The following DSG3 variants were observed in gnomAD, a reference collection of about 807,000 sequenced individuals.
DSG3 encodes the protein desmoglein 3.
In DSG3, 63 loss-of-function variants were observed where a neutral mutation model predicts 85.9. The observed-to-expected ratio is 0.73, with a 90% CI of 0.60 to 0.90. The LOEUF (loss-of-function observed/expected upper bound fraction) is 0.90, where lower values mean the gene tolerates loss of function less well. Ranked by LOEUF, DSG3 falls within the 40% of genes least tolerant of loss-of-function variation. DSG3 has a pLI of 0.00. For missense variants in DSG3, 1,220 were observed against 1,219.9 expected (o/e 1.00, Z 0.00); for synonymous variants, 447 against 441.9 (o/e 1.01, Z -0.14).
chr18:31,464,516 C>A, intron 9 of DSG3, 134 bp downstream of exon 9: 1 of 920,772 alleles, frequency 1.1e-6, no homozygotes, highest in Non-Finnish European at 1.6e-6. Flanking sequence ...CTGGGTAACT[C>A]AAAAAGTAAC....
At chr18:31,462,841 T>A (rs1451786548) in intron 8 of DSG3, among the ~76,000 whole-genome samples, 4 of 152,120 alleles carry the variant, frequency 2.6e-5, no homozygotes. Flanking sequence ...ACCACCACAT[T>A]TTTCTTAAAA....
chr18:31,472,686 T>C (rs766530270), intron 13 of DSG3, 39 bp from the exon 14 acceptor site: 2 of 1,605,224 alleles, frequency 1.2e-6, no homozygotes, highest in East Asian at 2.2e-5. Context: ...TGAAATCTGG[T>C]TCACTTTTAA....
chr18:31,457,097 TAACTC>T lies in DSG3; in HGVS notation c.192_196del (p.Asn64LysfsTer38), dbSNP rs1181388310. 1 of 1,611,924 alleles carries T rather than the reference TAACTC, an allele frequency of 6.2e-7. No individual in the cohort carries two copies. The highest frequency in any genetic ancestry group is 8.5e-7 in the Non-Finnish European group (1 of 1,179,146). Reference sequence around the variant, plus strand: ...CCAAACCCTGCAGAGAAGGAGAAGATAACTCAAAAAGAAACCCAATTGCCAAGGTA... The same window carrying T: ...CCAAACCCTGCAGAGAAGGAGAAGATAAAAAGAAACCCAATTGCCAAGGTA... On this transcript the variant is annotated frameshift_variant, in exon 3 of 16. Transcript: ENST00000257189. LOFTEE classifies it high-confidence loss of function.
chr18:31,472,880 G>T, intron 14 of DSG3, 92 bp downstream of exon 14: 1 of 1,165,806 alleles, frequency 8.6e-7, no homozygotes. Context: ...TTAATAATTT[G>T]CATCTGTGTG....
At chr18:31,456,289 C>A in intron 1 of DSG3, 151 bp from the exon 2 acceptor site, 1 of 483,800 alleles carries the variant, frequency 2.1e-6, no homozygotes, top group Non-Finnish European at 3.4e-6. Context: ...GGAACTTACC[C>A]TTTGATTATG....
intron 8 of DSG3, among the ~76,000 whole-genome samples, chr18:31,462,218 T>A (rs2144273470): frequency 6.6e-6 from 1 of 152,184 alleles, no homozygotes; most frequent in South Asian, 2.1e-4. Context: ...GTCCGCATCA[T>A]GTGCCATCAT....
Position 31,459,814 on chromosome 18 carries a change from T to G in DSG3, c.518-31T>G. 3 of 1,572,020 alleles carry G rather than the reference T, an allele frequency of 1.9e-6. No individual in the cohort carries two copies. In the South Asian group the frequency reaches 3.5e-5, roughly 18 times the overall value. On this transcript the variant is annotated intron_variant, in intron 5 of 15. Coordinates refer to ENST00000257189, the MANE Select transcript of DSG3 (RefSeq NM_001944.3). Reference sequence around the variant, plus strand: ...TAAACATAATGTTAATTGTTACATATTCTTTAATAAACGTTTTCCTGTATT... The same window carrying G: ...TAAACATAATGTTAATTGTTACATAGTCTTTAATAAACGTTTTCCTGTATT...
Position 31,465,321 on chromosome 18 carries a change from T to A in DSG3, c.1275T>A (p.Tyr425Ter), listed in dbSNP as rs113090917. ...TTTTTTTAATATTATGAAACAGATA[T>A]GTCATGGGACGTAACGATGGTGGAT... ...DTNKAASNVK[Y>*]VMGRNDGGYL... Residue 425 changes from tyrosine (Y) to a stop codon, truncating the protein, a stop_gained, in exon 10 of 16, where the codon TAT becomes TAA. Coordinates refer to ENST00000257189, the MANE Select transcript of DSG3 (RefSeq NM_001944.3). LOFTEE classifies it high-confidence loss of function. 7.1e-7 allele frequency: 1 copy of A among 1,414,016 alleles called. No individual in the cohort carries two copies. Among genetic ancestry groups the A allele is most frequent in the South Asian group, 1.9e-5 (1 of 53,046 alleles). 87.6% of individuals were successfully genotyped at this position (1,414,016 alleles called of 1,614,324 possible).
At position 31,458,519 on chromosome 18, in the gene DSG3, T is replaced by C. The variant is rs1031910941; in HGVS notation, c.291T>C (p.Phe97=). Residue 97 remains phenylalanine (F), a synonymous_variant, in exon 4 of 16, where the codon TTT becomes TTC. Transcript: ENST00000257189. ...ISGVGIDQPP[F]GIFVVDKNTG... ...GAGTGGGAATCGATCAGCCGCCTTTTGGAATCTTTGTTGTTGACAAAAACA... is the reference window on the plus strand; with the variant it reads ...GAGTGGGAATCGATCAGCCGCCTTTCGGAATCTTTGTTGTTGACAAAAACA... 6.2e-7 allele frequency: 1 copy of C among 1,614,004 alleles called. No individual in the cohort carries two copies. The highest frequency in any genetic ancestry group is 1.3e-5 in the African/African-American group (1 of 74,928).
At chr18:31,458,882 G>T in intron 4 of DSG3, 151 bp from the exon 5 acceptor site, 3 of 1,048,322 alleles carry the variant, frequency 2.9e-6, no homozygotes, top group Middle Eastern at 3.0e-4. Flanking sequence ...CCCAGAGCAG[G>T]CACCTTTTTC....
intron 11 of DSG3, 111 bp downstream of exon 11, chr18:31,466,865 C>A (rs2072824262): frequency 8.8e-6 from 8 of 907,272 alleles, no homozygotes; most frequent in East Asian, 5.1e-5. Context: ...TGGAAAAATT[C>A]TTTGCAATGA....
chr18:31,466,873 T>C (rs1055439780), intron 11 of DSG3, 119 bp downstream of exon 11: 2 of 800,350 alleles, frequency 2.5e-6, no homozygotes. Flanking sequence ...TTCTTTGCAA[T>C]GAAGATGTGG....
At chr18:31,449,646 GCCTTCTCTAAA>G (rs2072699631) in intron 1 of DSG3, among the ~76,000 whole-genome samples, 1 of 152,102 alleles carries the variant, frequency 6.6e-6, no homozygotes, top group South Asian at 2.1e-4. Context: ...GATTTAATGA[GCCTTCTCTAAA>G]CTAAAAAACC....
intron 1 of DSG3, among the ~76,000 whole-genome samples, chr18:31,450,570 G>C (rs542108389): frequency 1.3e-5 from 2 of 152,264 alleles, no homozygotes; most frequent in South Asian, 4.1e-4. Flanking sequence ...AAAGTTGGCA[G>C]ATGTGTTTGA....
At position 31,463,955 on chromosome 18, in the gene DSG3, C is replaced by G. The variant is rs2704048; in HGVS notation, c.1000-156C>G. On this transcript the variant is annotated intron_variant, in intron 8 of 15. Transcript: ENST00000257189. ...CATGAGTTAAGAATCCTAAAGCTTT[C>G]TCTGTCTCAACATTACAATAATTTC... 3.9e-5 allele frequency among the ~76,000 whole-genome samples: 6 copies of G among 152,298 alleles called. No homozygotes were observed. In the South Asian group the frequency reaches 1.0e-3, roughly 26 times the overall value.
At chr18:31,453,052 G>A (rs949799794) in intron 1 of DSG3, among the ~76,000 whole-genome samples, 17 of 151,988 alleles carry the variant, frequency 1.1e-4, no homozygotes, top group Non-Finnish European at 1.2e-4. Context: ...AATTTGCTTT[G>A]ATAAATACAA....
chr18:31,466,061 A>C (rs951728261), intron 10 of DSG3, among the ~76,000 whole-genome samples: 1 of 152,108 alleles, frequency 6.6e-6, no homozygotes, highest in African/African-American at 2.4e-5. Flanking sequence ...AGAGATTTTT[A>C]TTTCATTATT....
intron 12 of DSG3, among the ~76,000 whole-genome samples, chr18:31,470,011 T>C (rs1291628382): frequency 6.6e-6 from 1 of 152,120 alleles, no homozygotes; most frequent in East Asian, 1.9e-4. Flanking sequence ...TAAACACATT[T>C]AGAAAACTAT....
At chr18:31,456,107 A>C (rs1488830985) in intron 1 of DSG3, among the ~76,000 whole-genome samples, 1 of 152,208 alleles carries the variant, frequency 6.6e-6, no homozygotes, top group East Asian at 1.9e-4. Context: ...CATAGCTTCC[A>C]GGAACGGTGT....
Sources: gnomAD v4.1 joint callset for allele counts (sites outside exome capture counted in the v4.1 genomes callset) on GRCh38, gnomAD v4.1.1 for gene constraint, MANE v1.5 for transcripts, NCBI Gene and HGNC (gene_info 2026-07-23, HGNC 2026-07-21) for gene names.